The following MGRN1 variants were observed in gnomAD, a reference collection of about 807,000 sequenced individuals.
MGRN1 encodes the protein mahogunin ring finger 1.
MGRN1 carries 29 observed loss-of-function variants against 69.2 expected under a neutral mutation model. The observed-to-expected ratio is 0.42, with a 90% CI of 0.31 to 0.57. The LOEUF is 0.57. MGRN1 is among the 20% of genes least tolerant of loss of function. The pLI, the probability that MGRN1 is intolerant of heterozygous loss-of-function variation, is 0.15. For missense variants in MGRN1, 998 were observed against 796.2 expected, an observed-to-expected ratio of 1.25 and a Z score of -3.05; for synonymous variants, 470 against 344.2, an observed-to-expected ratio of 1.37 and a Z score of -4.04.
intron 10 of MGRN1, among the ~76,000 whole-genome samples, chr16:4,674,626 C>CTTTCTTTTTT (rs2079014994): frequency 4.2e-5 from 2 of 47,254 alleles, no homozygotes; most frequent in African/African-American, 1.8e-4. Flanking sequence ...CTTTTCTTTT[C>CTTTCTTTTTT]TTTTTTTTTT....
intron 10 of MGRN1, among the ~76,000 whole-genome samples, chr16:4,674,736 G>T (rs1284255699): frequency 6.8e-6 from 1 of 146,132 alleles, no homozygotes; most frequent in Admixed American, 6.9e-5. Context: ...CGCTTCCCGG[G>T]TTCACGCCAT....
intron 11 of MGRN1, among the ~76,000 whole-genome samples, chr16:4,677,975 G>A (rs2079090529): frequency 6.6e-6 from 1 of 151,802 alleles, no homozygotes; most frequent in South Asian, 2.1e-4. Flanking sequence ...AGCCTCCCAA[G>A]ACGCTGTGAC....
At chr16:4,685,413 G>T (rs1044900430) in intron 16 of MGRN1, among the ~76,000 whole-genome samples, 31 of 152,236 alleles carry the variant, frequency 2.0e-4, no homozygotes, top group South Asian at 8.3e-4. Flanking sequence ...ACCCACAGGG[G>T]AGGGTCTCGG....
intron 1 of MGRN1, chr16:4,633,837 C>A (rs1411769540): frequency 6.6e-6 from 1 of 151,966 alleles, no homozygotes; most frequent in Non-Finnish European, 1.5e-5. Flanking sequence ...CCTGCCTCAG[C>A]CTCCCGAGTA....
chr16:4,670,252 T>G (rs547271068), intron 8 of MGRN1, among the ~76,000 whole-genome samples: 4 of 152,074 alleles, frequency 2.6e-5, no homozygotes, highest in Non-Finnish European at 5.9e-5. Flanking sequence ...TATTTTGTTT[T>G]GTATTTTTGA....
At chr16:4,666,421 C>T (rs889540379) in intron 7 of MGRN1, among the ~76,000 whole-genome samples, 5 of 152,200 alleles carry the variant, frequency 3.3e-5, no homozygotes, top group South Asian at 2.1e-4. Flanking sequence ...CGTGAGCCAC[C>T]GTACCTGGCC....
At chr16:4,681,059 C>A (rs2079171546) in intron 12 of MGRN1, among the ~76,000 whole-genome samples, 1 of 152,230 alleles carries the variant, frequency 6.6e-6, no homozygotes, top group African/African-American at 2.4e-5. Context: ...TGGCTCTTAG[C>A]CAGGGTGCCC....
rs947856738 is a variant in MGRN1 at position 4,665,166 on chromosome 16, G to A, written c.678+15G>A. 4.3e-6 allele frequency: 7 copies of A among 1,613,988 alleles called. No homozygotes were observed. The highest frequency in any genetic ancestry group is 4.5e-5 in the East Asian group (2 of 44,882). ...CCTTTGAAAAGGTAAGTGCCATCTG[G>A]CCATCACTTTCCCGGGGACCTGGGA... On this transcript the variant is annotated intron_variant, in intron 7 of 16. Transcript: ENST00000262370.
At chr16:4,655,914 C>T (rs1465390114) in intron 4 of MGRN1, among the ~76,000 whole-genome samples, 2 of 152,252 alleles carry the variant, frequency 1.3e-5, no homozygotes, top group African/African-American at 4.8e-5. Flanking sequence ...AGGGTGGCGT[C>T]TTAACTGTGC....
intron 16 of MGRN1, among the ~76,000 whole-genome samples, chr16:4,685,947 C>T (rs2079303434): frequency 6.6e-6 from 1 of 152,168 alleles, no homozygotes; most frequent in African/African-American, 2.4e-5. Flanking sequence ...CCTCAGCCCC[C>T]CACCCAGGGC....
intron 4 of MGRN1, among the ~76,000 whole-genome samples, chr16:4,655,492 C>A (rs946724077): frequency 1.3e-5 from 2 of 151,942 alleles, no homozygotes; most frequent in Non-Finnish European, 2.9e-5. Flanking sequence ...GTGCCACTGT[C>A]CCCCTCTGTC....
chr16:4,635,899 A>C (rs1036603917), intron 1 of MGRN1, among the ~76,000 whole-genome samples: 6 of 145,230 alleles, frequency 4.1e-5, no homozygotes, highest in African/African-American at 1.6e-4. Context: ...TGCCTGCCTC[A>C]GCCTCCAGAA....
At chr16:4,626,983 C>A (rs775137254) in intron 1 of MGRN1, among the ~76,000 whole-genome samples, 28 of 152,188 alleles carry the variant, frequency 1.8e-4, no homozygotes, top group Non-Finnish European at 3.5e-4. Context: ...CTTGCAGATA[C>A]TTGTTCTTCT....
In MGRN1 at chr16:4,687,447, G is replaced by A. The variant is rs1021128544; in HGVS notation, c.1619-1349G>A. ...GTGGTCCCAGCTACTCAGGGGTGCT[G>A]AGGTGGGAGGATTGCCGGAGCTGGG... On this transcript the variant is annotated intron_variant, in intron 16 of 16. Coordinates refer to ENST00000262370, the MANE Select transcript of MGRN1 (RefSeq NM_015246.4). 84 of 924,768 alleles carry A rather than the reference G, an allele frequency of 9.1e-5. No individual in the cohort carries two copies. The African/African-American group carries it at 1.2e-3, about 14-fold the overall frequency. The allele number at this position is 924,768 out of a possible 1,614,324, so 57.3% of individuals were successfully genotyped here.
At chr16:4,661,083 C>T (rs774567527) in intron 5 of MGRN1, among the ~76,000 whole-genome samples, 21 of 151,988 alleles carry the variant, frequency 1.4e-4, no homozygotes, top group Non-Finnish European at 2.8e-4. Context: ...CTGGGTTAAG[C>T]GATCCTCTCA....
intron 11 of MGRN1, among the ~76,000 whole-genome samples, chr16:4,679,086 C>T (rs542350986): frequency 6.6e-6 from 1 of 152,346 alleles, no homozygotes; most frequent in South Asian, 2.1e-4. Context: ...CGTGGGGCTC[C>T]TGGCACCACG....
intron 10 of MGRN1, among the ~76,000 whole-genome samples, chr16:4,675,116 G>A (rs2079028132): frequency 6.6e-6 from 1 of 152,072 alleles, no homozygotes; most frequent in African/African-American, 2.4e-5. Context: ...GGGATTACAG[G>A]CATGTGCCAC....
intron 13 of MGRN1, among the ~76,000 whole-genome samples, chr16:4,682,362 A>G (rs1194651167): frequency 6.6e-6 from 1 of 152,180 alleles, no homozygotes; most frequent in East Asian, 1.9e-4. Flanking sequence ...CTTGCGGTGT[A>G]TAGAGCGGCG....
At chr16:4,634,911 C>G (rs1397650158) in intron 1 of MGRN1, 1 of 152,172 alleles carries the variant, frequency 6.6e-6, no homozygotes, top group Non-Finnish European at 1.5e-5. Context: ...CATTGGCTCC[C>G]CAGGGCTCAG....
Sources: gnomAD v4.1 joint callset for allele counts (sites outside exome capture counted in the v4.1 genomes callset) on GRCh38, gnomAD v4.1.1 for gene constraint, MANE v1.5 for transcripts, NCBI Gene and HGNC (gene_info 2026-07-23, HGNC 2026-07-21) for gene names.